CNTN5: variants seen among roughly 807,000 people sequenced by gnomAD.
CNTN5 encodes contactin-5.
A neutral mutation model predicts 129.1 loss-of-function variants in CNTN5; 77 were observed. The observed-to-expected ratio is 0.60, with a 90% CI of 0.50 to 0.72. The LOEUF is 0.72. Among genes scored for constraint, CNTN5 ranks in the 30% least tolerant of loss-of-function variants. CNTN5 has a pLI of 0.00. For synonymous variants in CNTN5, 509 were observed against 465.6 expected, an observed-to-expected ratio of 1.09 and a Z score of -1.20; for missense variants, 1,478 against 1,328.8, an observed-to-expected ratio of 1.11 and a Z score of -1.75.
At chr11:99,354,156 C>T (rs906470650) in intron 2 of CNTN5, among the ~76,000 whole-genome samples, 1 of 152,152 alleles carries the variant, frequency 6.6e-6, no homozygotes, top group African/African-American at 2.4e-5. Flanking sequence ...TCTCTCACTC[C>T]ACAATTATGT....
intron 3 of CNTN5, among the ~76,000 whole-genome samples, chr11:99,633,037 G>T (rs1353117451): frequency 6.6e-6 from 1 of 152,042 alleles, no homozygotes; most frequent in African/African-American, 2.4e-5. Context: ...CAATTTTTAG[G>T]CATGAAGGAC....
At chr11:99,878,839 G>C (rs1270375802) in intron 6 of CNTN5, among the ~76,000 whole-genome samples, 2 of 152,120 alleles carry the variant, frequency 1.3e-5, no homozygotes, top group African/African-American at 2.4e-5. Flanking sequence ...TGGCGACAGA[G>C]CGAGACTCCG....
chr11:99,038,984 A>T (rs1863872957), intron 1 of CNTN5, among the ~76,000 whole-genome samples: 2 of 152,136 alleles, frequency 1.3e-5, no homozygotes, highest in African/African-American at 2.4e-5. Context: ...TTTCAATTCA[A>T]CAAATTCACA....
rs558072848 is a variant in CNTN5 at position 100,041,357 on chromosome 11, C to G, written c.981-19855C>G. Among the ~76,000 whole-genome samples the G allele has an allele frequency of 1.3e-5, 2 of 152,188 alleles. 1 individual carries two copies. Among genetic ancestry groups the G allele is most frequent in the Non-Finnish European group, 2.9e-5 (2 of 68,040 alleles). On this transcript the variant is annotated intron_variant, in intron 9 of 24. Coordinates refer to ENST00000524871, the MANE Select transcript of CNTN5 (RefSeq NM_014361.4). ...TCTTTAAGTCATTACTTAAGTCATT[C>G]TATGAATTCCACCTCTATCACTCTC...
intron 8 of CNTN5, among the ~76,000 whole-genome samples, chr11:99,975,339 A>G (rs1483895896): frequency 6.6e-6 from 1 of 152,136 alleles, no homozygotes; most frequent in Non-Finnish European, 1.5e-5. Flanking sequence ...TGAGGCCTGT[A>G]GCCCCTTGGT....
chr11:99,497,137 G>T (rs1297326650), intron 2 of CNTN5, among the ~76,000 whole-genome samples: 1 of 152,146 alleles, frequency 6.6e-6, no homozygotes, highest in African/African-American at 2.4e-5. Context: ...TTCTAAAAAA[G>T]AAGTAACTTA....
intron 1 of CNTN5, among the ~76,000 whole-genome samples, chr11:99,154,224 C>T (rs1860220961): frequency 6.6e-6 from 1 of 152,156 alleles, no homozygotes; most frequent in Non-Finnish European, 1.5e-5. Context: ...CATGCTCACT[C>T]CAGCGGCATG....
intron 18 of CNTN5, 50 bp from the exon 19 acceptor site, chr11:100,297,575 G>T: frequency 8.0e-7 from 1 of 1,252,568 alleles, no homozygotes; most frequent in Non-Finnish European, 1.1e-6. Context: ...TTTATCCAAC[G>T]TAGGTTGGGA....
chr11:100,293,043 A>G (rs1406359597), intron 18 of CNTN5, among the ~76,000 whole-genome samples: 6 of 151,930 alleles, frequency 3.9e-5, no homozygotes, highest in Non-Finnish European at 1.5e-5. Context: ...ATATTATTAT[A>G]AGATGGGCTG....
At chr11:99,112,048 A>G (rs1179656954) in intron 1 of CNTN5, among the ~76,000 whole-genome samples, 1 of 152,180 alleles carries the variant, frequency 6.6e-6, no homozygotes, top group East Asian at 1.9e-4. Flanking sequence ...AATAAAATAG[A>G]TTAGTACAGT....
At chr11:99,393,835 A>G (rs1490107163) in intron 2 of CNTN5, among the ~76,000 whole-genome samples, 1 of 151,798 alleles carries the variant, frequency 6.6e-6, no homozygotes, top group Non-Finnish European at 1.5e-5. Flanking sequence ...GAATACCTTC[A>G]GAGCATCATG....
chr11:99,184,097 C>G (rs937024458), intron 1 of CNTN5, among the ~76,000 whole-genome samples: 1 of 152,030 alleles, frequency 6.6e-6, no homozygotes, highest in East Asian at 1.9e-4. Context: ...CACTGTTTTC[C>G]TAATCTCAAT....
intron 13 of CNTN5, among the ~76,000 whole-genome samples, chr11:100,088,727 AAATGC>A (rs1944646760): frequency 1.3e-5 from 2 of 152,240 alleles, no homozygotes; most frequent in South Asian, 4.1e-4. Context: ...TCCAGTTCCA[AAATGC>A]AATCAGTAAT....
intron 1 of CNTN5, among the ~76,000 whole-genome samples, chr11:99,307,234 G>A (rs1170739587): frequency 6.6e-6 from 1 of 152,106 alleles, no homozygotes; most frequent in East Asian, 1.9e-4. Flanking sequence ...TAGAACTAAG[G>A]ATTAATTCGT....
intron 3 of CNTN5, among the ~76,000 whole-genome samples, chr11:99,738,615 ACGTGTGTGTGTGTGTGTGTGTGTGTGT>A (rs1943786869): frequency 8.8e-6 from 1 of 113,554 alleles, no homozygotes; most frequent in Non-Finnish European, 1.9e-5. Flanking sequence ...TAAGACAGTA[ACGTGTGTGTGTGTGTGTGTGTGTGTGT>A]ATGTGTGTGT....
At chr11:100,248,115 T>C (rs149967860) in intron 16 of CNTN5, among the ~76,000 whole-genome samples, 27 of 152,292 alleles carry the variant, frequency 1.8e-4, no homozygotes, top group Middle Eastern at 6.8e-3. Context: ...ATTTATAGGG[T>C]TAAAAATAAA....
At chr11:99,108,599 C>A (rs1365397012) in intron 1 of CNTN5, among the ~76,000 whole-genome samples, 3 of 152,052 alleles carry the variant, frequency 2.0e-5, no homozygotes, top group Non-Finnish European at 4.4e-5. Flanking sequence ...AGCATAATAT[C>A]TAAAATGCCC....
chr11:99,912,613 T>G (rs1949690382), intron 6 of CNTN5, among the ~76,000 whole-genome samples: 1 of 151,448 alleles, frequency 6.6e-6, no homozygotes, highest in Admixed American at 6.6e-5. Flanking sequence ...TCTAAAGCTC[T>G]TAATAACATC....
chr11:99,701,113 A>T (rs982674783), intron 3 of CNTN5, among the ~76,000 whole-genome samples: 2 of 151,380 alleles, frequency 1.3e-5, no homozygotes, highest in African/African-American at 4.8e-5. Context: ...TAAACACAAT[A>T]CCTATGTGCT....
Sources: allele counts gnomAD v4.1 joint callset (sites outside exome capture counted in the v4.1 genomes callset), GRCh38; gene constraint gnomAD v4.1.1; transcripts MANE v1.5; gene names NCBI Gene and HGNC (gene_info 2026-07-23, HGNC 2026-07-21).